ADGRB3: variants seen among roughly 807,000 people sequenced by gnomAD.
The protein encoded by ADGRB3 is adhesion G protein-coupled receptor B3.
A neutral mutation model predicts 193.4 loss-of-function variants in ADGRB3; 37 were observed. The ratio of observed to expected loss-of-function variants is 0.19; its 90% CI spans 0.15 to 0.25. The LOEUF (loss-of-function observed/expected upper bound fraction) is 0.25. Ranked by LOEUF, ADGRB3 falls within the 10% of genes least tolerant of loss-of-function variation. The pLI, the probability that ADGRB3 is intolerant of heterozygous loss-of-function variation, is 1.00. For missense variants in ADGRB3, 1,637 were observed against 1,852.9 expected, an observed-to-expected ratio of 0.88 and a Z score of 2.14; for synonymous variants, 690 against 644.2, an observed-to-expected ratio of 1.07 and a Z score of -1.08.
chr6:69,047,087 C>T (rs1771259270), intron 13 of ADGRB3, among the ~76,000 whole-genome samples: 1 of 152,162 alleles, frequency 6.6e-6, no homozygotes, highest in Admixed American at 6.5e-5. Flanking sequence ...TCTCGATCTC[C>T]TGACCTCGTG....
intron 17 of ADGRB3, among the ~76,000 whole-genome samples, chr6:69,144,264 A>G (rs1774419800): frequency 6.6e-6 from 1 of 152,162 alleles, no homozygotes; most frequent in Non-Finnish European, 1.5e-5. Context: ...CCTGAAACTG[A>G]ATCCTGAATC....
chr6:68,723,901 T>A (rs1244012050), intron 3 of ADGRB3, among the ~76,000 whole-genome samples: 1 of 151,650 alleles, frequency 6.6e-6, no homozygotes, highest in Non-Finnish European at 1.5e-5. Context: ...AAGAGGTTTG[T>A]ACTGACATCT....
chr6:69,239,199 G>T lies in ADGRB3; in HGVS notation c.2787G>T (p.Leu929=), dbSNP rs748302117. The change falls in exon 20 of 32, where the codon CTG becomes CTT. Residue 929 remains leucine (L), a synonymous_variant. Coordinates refer to ENST00000370598, the MANE Select transcript of ADGRB3 (RefSeq NM_001704.3). ...LSIISSNILI[L]VGQTQTHNKS... is the part of the protein sequence containing the mutation. ...TCATCTCATCCAATATCCTCATACTGGTTGGACAGACTCAGACACATAATA... is the reference window on the plus strand; with the variant it reads ...TCATCTCATCCAATATCCTCATACTTGTTGGACAGACTCAGACACATAATA... The T allele has an allele frequency of 4.4e-6, 7 of 1,589,790 alleles. No homozygotes were observed. The Admixed American group carries it at 5.0e-5, about 11-fold the overall frequency.
chr6:69,073,830 C>T (rs1455484526), intron 16 of ADGRB3, among the ~76,000 whole-genome samples: 1 of 152,186 alleles, frequency 6.6e-6, no homozygotes, highest in Non-Finnish European at 1.5e-5. Flanking sequence ...CCCTCCCTCA[C>T]CCCTCTACCA....
At chr6:68,803,770 T>C (rs896068185) in intron 3 of ADGRB3, among the ~76,000 whole-genome samples, 1 of 152,222 alleles carries the variant, frequency 6.6e-6, no homozygotes, top group African/African-American at 2.4e-5. Flanking sequence ...TTGATGCACA[T>C]GCCCTTGCTT....
chr6:69,004,883 T>C (rs1207872715), intron 11 of ADGRB3, among the ~76,000 whole-genome samples: 1 of 152,150 alleles, frequency 6.6e-6, no homozygotes, highest in East Asian at 1.9e-4. Flanking sequence ...TGAAGGGGTC[T>C]GTGTCAGTCA....
At chr6:69,167,799 G>A (rs1775168148) in intron 17 of ADGRB3, among the ~76,000 whole-genome samples, 2 of 152,050 alleles carry the variant, frequency 1.3e-5, no homozygotes, top group Admixed American at 1.3e-4. Flanking sequence ...TATTAGAGAT[G>A]GATAGAAGGC....
intron 3 of ADGRB3, among the ~76,000 whole-genome samples, chr6:68,763,746 AT>A (rs1302022045): frequency 6.6e-6 from 1 of 151,964 alleles, no homozygotes; most frequent in Non-Finnish European, 1.5e-5. Context: ...ACTTGAAGAA[AT>A]TTTCTTTTTT....
At chr6:68,862,921 C>T (rs913161744) in intron 3 of ADGRB3, among the ~76,000 whole-genome samples, 1 of 152,078 alleles carries the variant, frequency 6.6e-6, no homozygotes, top group Non-Finnish European at 1.5e-5. Context: ...TTCCAATTGT[C>T]GTCAATAGAA....
intron 20 of ADGRB3, among the ~76,000 whole-genome samples, chr6:69,279,898 C>G (rs1298580969): frequency 6.6e-6 from 1 of 152,038 alleles, no homozygotes; most frequent in Non-Finnish European, 1.5e-5. Flanking sequence ...GGTATCTTGT[C>G]TGTCTAACAA....
At chr6:69,319,117 TTCTA>T (rs982703797) in intron 20 of ADGRB3, among the ~76,000 whole-genome samples, 27 of 151,270 alleles carry the variant, frequency 1.8e-4, no homozygotes, top group Admixed American at 2.6e-4. Flanking sequence ...TTCTCTTGTT[TTCTA>T]TCTATTTAAG....
intron 20 of ADGRB3, among the ~76,000 whole-genome samples, chr6:69,246,877 G>A (rs1175242482): frequency 2.0e-5 from 3 of 152,124 alleles, no homozygotes; most frequent in African/African-American, 7.2e-5. Context: ...CAGAACACGA[G>A]TCTCAGCCTA....
intron 3 of ADGRB3, among the ~76,000 whole-genome samples, chr6:68,829,696 G>A (rs559901019): frequency 1.3e-5 from 2 of 152,132 alleles, no homozygotes; most frequent in African/African-American, 2.4e-5. Flanking sequence ...AGAAATTTCA[G>A]GTAATTATTT....
rs58454780 is a variant in ADGRB3 at position 68,934,967 on chromosome 6, C to T, written c.869-1552C>T. On this transcript the variant is annotated intron_variant, in intron 4 of 31. Coordinates refer to ENST00000370598, the MANE Select transcript of ADGRB3 (RefSeq NM_001704.3). ...TCACATTGATCACAACACTGAAAAG[C>T]AGTCCCATTTGATGTAATCTGTCAT... 2.3e-3 allele frequency among the ~76,000 whole-genome samples: 352 copies of T among 152,296 alleles called. 3 individuals are homozygous for T. In the East Asian group the frequency reaches 0.051, roughly 22 times the overall value.
intron 17 of ADGRB3, among the ~76,000 whole-genome samples, chr6:69,104,054 A>G (rs948251933): frequency 1.3e-5 from 2 of 151,874 alleles, no homozygotes; most frequent in African/African-American, 2.4e-5. Flanking sequence ...TTATTATTAT[A>G]CTTTAAGTTT....
At chr6:68,806,078 C>T (rs1445029845) in intron 3 of ADGRB3, among the ~76,000 whole-genome samples, 2 of 152,176 alleles carry the variant, frequency 1.3e-5, no homozygotes, top group Admixed American at 6.5e-5. Context: ...ATAGGGATCT[C>T]ACTCATTTAC....
At chr6:68,794,226 G>T (rs1220952488) in intron 3 of ADGRB3, among the ~76,000 whole-genome samples, 3 of 151,962 alleles carry the variant, frequency 2.0e-5, no homozygotes, top group Non-Finnish European at 4.4e-5. Context: ...CAAAGCTATA[G>T]CCAGAGCAAT....
At chr6:69,140,114 A>G (rs1774284899) in intron 17 of ADGRB3, among the ~76,000 whole-genome samples, 1 of 152,238 alleles carries the variant, frequency 6.6e-6, no homozygotes, top group Non-Finnish European at 1.5e-5. Context: ...AGATGCAAGC[A>G]TAGCATCTTG....
At chr6:68,923,323 C>T (rs1238506672) in intron 3 of ADGRB3, among the ~76,000 whole-genome samples, 1 of 152,004 alleles carries the variant, frequency 6.6e-6, no homozygotes, top group Non-Finnish European at 1.5e-5. Context: ...TCCCTTACCT[C>T]CACGTACAAA....
Sources: gnomAD v4.1 joint callset for allele counts (sites outside exome capture counted in the v4.1 genomes callset) on GRCh38, gnomAD v4.1.1 for gene constraint, MANE v1.5 for transcripts, NCBI Gene and HGNC (gene_info 2026-07-23, HGNC 2026-07-21) for gene names.